MAP4: variants seen among roughly 807,000 people sequenced by gnomAD.
The protein encoded by MAP4 is microtubule-associated protein 4.
A neutral mutation model predicts 170.2 loss-of-function variants in MAP4; 76 were observed. The observed-to-expected ratio is 0.45, with a 90% CI of 0.37 to 0.54. The LOEUF (loss-of-function observed/expected upper bound fraction) is 0.54, where lower values mean the gene tolerates loss of function less well. MAP4 is among the 20% of genes least tolerant of loss of function. The probability of loss-of-function intolerance (pLI) is 0.00; values close to 1 mark genes in which losing one functional copy is unlikely to be tolerated. For missense variants in MAP4, 2,506 were observed against 2,748.0 expected (o/e 0.91, Z 1.97); for synonymous variants, 909 against 994.5 (o/e 0.91, Z 1.62).
At chr3:47,929,491 A>G (rs1437454469) in intron 3 of MAP4, among the ~76,000 whole-genome samples, 1 of 152,088 alleles carries the variant, frequency 6.6e-6, no homozygotes, top group Non-Finnish European at 1.5e-5. Flanking sequence ...ATTCAACATA[A>G]TTATATTCAA....
chr3:47,946,654 C>CAAAAAAAA (rs11427271), intron 3 of MAP4, among the ~76,000 whole-genome samples: 5 of 40,804 alleles, frequency 1.2e-4, no homozygotes, highest in Non-Finnish European at 1.4e-4. Context: ...AACTCCGTCT[C>CAAAAAAAA]AAAAAAAAAA....
intron 1 of MAP4, among the ~76,000 whole-genome samples, chr3:48,043,232 C>G (rs1432511212): frequency 6.6e-6 from 1 of 152,160 alleles, no homozygotes; most frequent in Non-Finnish European, 1.5e-5. Context: ...TCCCAAGTAG[C>G]CGGGATTACA....
chr3:47,947,827 A>G (rs1027991523), intron 3 of MAP4, among the ~76,000 whole-genome samples: 1 of 151,782 alleles, frequency 6.6e-6, no homozygotes, highest in Non-Finnish European at 1.5e-5. Context: ...AAAGAAAAGA[A>G]AAAAGAAAAA....
chr3:47,958,674 C>G (rs1578320690), intron 3 of MAP4, among the ~76,000 whole-genome samples: 1 of 148,288 alleles, frequency 6.7e-6, no homozygotes, highest in Non-Finnish European at 1.5e-5. Context: ...GTGCACCACA[C>G]CCGGCTAATT....
chr3:48,023,865 G>A (rs938923182), intron 1 of MAP4, among the ~76,000 whole-genome samples: 1 of 152,132 alleles, frequency 6.6e-6, no homozygotes, highest in Non-Finnish European at 1.5e-5. Flanking sequence ...GCAGGGGTTG[G>A]GGGGAGACCC....
intron 3 of MAP4, among the ~76,000 whole-genome samples, chr3:47,936,422 ACT>A (rs1431611224): frequency 1.3e-5 from 2 of 151,726 alleles, no homozygotes; most frequent in African/African-American, 2.4e-5. Flanking sequence ...ACAGAGCAAA[ACT>A]CTGTCTTAAA....
At chr3:47,853,450 C>G in intron 19 of MAP4, 98 bp from the exon 20 acceptor site, 1 of 883,258 alleles carries the variant, frequency 1.1e-6, no homozygotes, top group Non-Finnish European at 1.7e-6. Flanking sequence ...CCCACCCTTG[C>G]TGCCCTGGCA....
At chr3:48,001,515 T>C in intron 1 of MAP4, among the ~76,000 whole-genome samples, 1 of 152,176 alleles carries the variant, frequency 6.6e-6, no homozygotes, top group East Asian at 1.9e-4. Context: ...TATACAAAAA[T>C]GTAGTAGAAA....
chr3:48,080,550 G>A (rs1467771586), intron 1 of MAP4, among the ~76,000 whole-genome samples: 1 of 152,160 alleles, frequency 6.6e-6, no homozygotes, highest in Non-Finnish European at 1.5e-5. Context: ...CACTGGGAGT[G>A]AGAATAGGTC....
At chr3:48,086,959 G>GTT (rs2100149367) in intron 1 of MAP4, among the ~76,000 whole-genome samples, 1 of 152,170 alleles carries the variant, frequency 6.6e-6, no homozygotes, top group African/African-American at 2.4e-5. Flanking sequence ...AGAGACCTTG[G>GTT]TTTGGTTGGA....
chr3:47,931,144 G>A (rs2100049606), intron 3 of MAP4, among the ~76,000 whole-genome samples: 1 of 152,002 alleles, frequency 6.6e-6, no homozygotes, highest in South Asian at 2.1e-4. Flanking sequence ...GGAAGCTGAG[G>A]CAAGAAGGTC....
intron 3 of MAP4, among the ~76,000 whole-genome samples, chr3:47,945,125 G>A (rs2100058975): frequency 6.6e-6 from 1 of 151,786 alleles, no homozygotes; most frequent in Admixed American, 6.6e-5. Flanking sequence ...GGCTGAGGCG[G>A]GTGAATCACC....
chr3:47,864,738 G>A (rs1411957324), intron 17 of MAP4, among the ~76,000 whole-genome samples: 3 of 152,072 alleles, frequency 2.0e-5, no homozygotes, highest in Non-Finnish European at 2.9e-5. Flanking sequence ...ATGGTGGCAG[G>A]TGCCTGTAAT....
At chr3:47,968,549 A>G (rs1215127996) in intron 3 of MAP4, among the ~76,000 whole-genome samples, 1 of 152,222 alleles carries the variant, frequency 6.6e-6, no homozygotes, top group Non-Finnish European at 1.5e-5. Context: ...ATGAAAATGA[A>G]AACACAACAT....
intron 3 of MAP4, among the ~76,000 whole-genome samples, chr3:47,952,424 T>A (rs1468115027): frequency 6.6e-6 from 1 of 152,006 alleles, no homozygotes; most frequent in Non-Finnish European, 1.5e-5. Context: ...ATGATGACAA[T>A]GGCGGTTTTG....
intron 1 of MAP4, among the ~76,000 whole-genome samples, chr3:48,046,037 C>CCAAACCACTTTCT (rs1250057323): frequency 1.4e-5 from 2 of 146,436 alleles, no homozygotes; most frequent in Non-Finnish European, 3.0e-5. Flanking sequence ...TGTAGATAAG[C>CCAAACCACTTTCT]TCACCTTCAC....
intron 1 of MAP4, among the ~76,000 whole-genome samples, chr3:48,086,959 GTTTGGTTGGATACCATT>G (rs1459011534): frequency 2.0e-5 from 3 of 152,288 alleles, no homozygotes; most frequent in Admixed American, 6.5e-5. Context: ...AGAGACCTTG[GTTTGGTTGGATACCATT>G]TTTGCCACTT....
intron 1 of MAP4, among the ~76,000 whole-genome samples, chr3:48,041,716 A>C (rs2100121729): frequency 1.3e-5 from 2 of 152,216 alleles, no homozygotes; most frequent in South Asian, 4.1e-4. Flanking sequence ...GTCCAAAAAA[A>C]TACATGAAAA....
intron 10 of MAP4, among the ~76,000 whole-genome samples, chr3:47,890,380 C>CA (rs2098345962): frequency 6.6e-6 from 1 of 152,112 alleles, no homozygotes; most frequent in African/African-American, 2.4e-5. Context: ...AAAACACATA[C>CA]AAAAAGAGAA....
Sources: gnomAD v4.1 joint callset for allele counts (sites outside exome capture counted in the v4.1 genomes callset) on GRCh38, gnomAD v4.1.1 for gene constraint, MANE v1.5 for transcripts, NCBI Gene and HGNC (gene_info 2026-07-23, HGNC 2026-07-21) for gene names.